The following DUSP4 variants were observed in gnomAD, a reference collection of about 807,000 sequenced individuals.
DUSP4 encodes the protein dual specificity protein phosphatase 4.
DUSP4 carries 12 observed loss-of-function variants against 27.2 expected under a neutral mutation model. The observed-to-expected ratio is 0.44, with a 90% CI of 0.28 to 0.71. The LOEUF (loss-of-function observed/expected upper bound fraction) is 0.71. Among genes scored for constraint, DUSP4 ranks in the 30% least tolerant of loss-of-function variants. DUSP4 has a pLI of 0.14. For missense variants in DUSP4, 448 were observed against 551.3 expected, an observed-to-expected ratio of 0.81 and a Z score of 1.88; for synonymous variants, 257 against 245.2, an observed-to-expected ratio of 1.05 and a Z score of -0.45.
intron 1 of DUSP4, chr8:29,345,633 A>C: frequency 6.7e-7 from 1 of 1,492,578 alleles, no homozygotes; most frequent in Non-Finnish European, 8.9e-7. Context: ...GGCTCGGGAA[A>C]GTGGCCACCC....
chr8:29,350,349 AG>A lies in DUSP4; in HGVS notation c.-72del. 6.7e-7 allele frequency: 1 copy of A among 1,491,190 alleles called. No individual in the cohort carries two copies. Among genetic ancestry groups the A allele is most frequent in the Non-Finnish European group, 8.9e-7 (1 of 1,125,594 alleles). 92.4% of individuals were successfully genotyped at this position (1,491,190 alleles called of 1,614,324 possible). On this transcript the variant is annotated 5_prime_UTR_variant, in exon 1 of 4. Transcript: ENST00000240100. ...AACCCGGGCCGCCTAGGCTGCAGAA[AG>A]GGGCGGGCGAGAGCTAAGAAGGGAC...
Position 29,345,246 on chromosome 8 carries a change from G to GA in DUSP4, c.433+4599dup, listed in dbSNP as rs1364238609. ...TGCCAGAAAAGTCATGCTCTTGCAA[G>GA]AAAGTCTGGGGTTGTTTGAAGGCCA... On this transcript the variant is annotated intron_variant, in intron 1 of 3. Transcript: ENST00000240100. 19 of 1,175,368 alleles carry GA rather than the reference G, an allele frequency of 1.6e-5. No homozygotes were observed. The East Asian group carries it at 4.9e-4, about 30-fold the overall frequency. The allele number at this position is 1,175,368 out of a possible 1,614,324, so 72.8% of individuals were successfully genotyped here.
At position 29,340,088 on chromosome 8, in the gene DUSP4, C is replaced by G; in HGVS notation, c.579+10G>C. 3 of 1,558,004 alleles carry G rather than the reference C, an allele frequency of 1.9e-6. No individual in the cohort carries two copies. The highest frequency in any genetic ancestry group is 2.6e-6 in the Non-Finnish European group (3 of 1,150,886). ...GCCCCCCACTTCCAAGCCCTGCCCC[C>G]CGAGTCTACCTGGTCGTGTAGTGGG... is the stretch of plus-strand genomic sequence containing the variant. On this transcript the variant is annotated intron_variant, in intron 2 of 3. Transcript: ENST00000240100.
chr8:29,335,135 A>G lies in DUSP4; in HGVS notation c.*1891T>C, dbSNP rs2117262447. On this transcript the variant is annotated 3_prime_UTR_variant, in exon 4 of 4. Transcript: ENST00000240100. The stretch of plus-strand genomic sequence containing the variant: ...TCTAGACAAGTTTGCAACAACCTCT[A>G]AGCTGGCACTCCATAACAAGACTGT... The G allele has an allele frequency of 6.6e-6, 1 of 152,296 alleles. No individual in the cohort carries two copies. The highest frequency in any genetic ancestry group is 2.4e-5 in the African/African-American group (1 of 41,554). The allele number at this position is 152,296 out of a possible 1,614,324, so 9.4% of individuals were successfully genotyped here. A position where few individuals can be genotyped will look rare whatever the true frequency, so the allele number is the denominator to read the frequency against.
rs202225558 is a variant in DUSP4 at position 29,340,087 on chromosome 8, C to G, written c.579+11G>C. 2 of 1,557,256 alleles carry G rather than the reference C, an allele frequency of 1.3e-6. No homozygotes were observed. Among genetic ancestry groups the G allele is most frequent in the South Asian group, 1.2e-5 (1 of 84,594 alleles). The stretch of plus-strand genomic sequence containing the variant: ...TGCCCCCCACTTCCAAGCCCTGCCC[C>G]CCGAGTCTACCTGGTCGTGTAGTGG... On this transcript the variant is annotated intron_variant, in intron 2 of 3. Transcript: ENST00000240100.
chr8:29,349,078 A>C lies in DUSP4; in HGVS notation c.433+768T>G, dbSNP rs995450820. ...CGAGAGTTTCGCCAGGGCTCGCTAAAATCCGGCACGCGCCGCCATCAGATA... is the reference window on the plus strand; with the variant it reads ...CGAGAGTTTCGCCAGGGCTCGCTAACATCCGGCACGCGCCGCCATCAGATA... On this transcript the variant is annotated intron_variant, in intron 1 of 3. Transcript: ENST00000240100. Among the ~76,000 whole-genome samples, 4 of 152,194 alleles carry C rather than the reference A, an allele frequency of 2.6e-5. 1 individual carries two copies. Among genetic ancestry groups the C allele is most frequent in the Admixed American group, 2.6e-4 (4 of 15,292 alleles).
intron 1 of DUSP4, among the ~76,000 whole-genome samples, chr8:29,346,764 C>T (rs1297211006): frequency 6.6e-6 from 1 of 152,198 alleles, no homozygotes; most frequent in Non-Finnish European, 1.5e-5. Context: ...GCGAAGTTTA[C>T]CTCCTGCCAC....
In DUSP4 at chr8:29,337,356, C is replaced by A; in HGVS notation, c.855G>T (p.Ser285=). 1.2e-6 allele frequency: 2 copies of A among 1,611,024 alleles called. No individual in the cohort carries two copies. Among genetic ancestry groups the A allele is most frequent in the East Asian group, 2.2e-5 (1 of 44,876 alleles). The change falls in exon 4 of 4, where the codon TCG becomes TCT. Residue 285 remains serine, a synonymous_variant. Coordinates refer to ENST00000240100, the MANE Select transcript of DUSP4 (RefSeq NM_001394.7). The surrounding 1 kb of genome is among the most constrained non-coding windows in gnomAD (Gnocchi z 6.4). ...RVLVHCQAGI[S]RSATICLAYL... ...AGGCCAGGCAGATGGTGGCCGACCG[C>A]GAGATGCCCGCCTGGCAGTGCACCA...
chr8:29,337,390 C>T lies in DUSP4; in HGVS notation c.821G>A (p.Gly274Glu). 1 of 1,606,964 alleles carries T rather than the reference C, an allele frequency of 6.2e-7. No individual in the cohort carries two copies. The highest frequency in any genetic ancestry group is 8.5e-7 in the Non-Finnish European group (1 of 1,178,934). The change falls in exon 4 of 4, where the codon GGG (glycine) becomes GAG (glutamate). Residue 274 changes from glycine to glutamate, a missense_variant. Physicochemically the swap from Gly to Glu is moderately conservative, Grantham distance 98. This residue lies in a region of DUSP4 where 345 missense variants were observed against 394.0 expected (regional missense o/e 0.88). Coordinates refer to ENST00000240100, the MANE Select transcript of DUSP4 (RefSeq NM_001394.7). This position sits in a 1 kb window ranked among gnomAD's most constrained non-coding sequence, Gnocchi z 6.4. ...EYIDAVKDCRGRVLVHCQAGI... is the reference protein window; with the variant it reads ...EYIDAVKDCRERVLVHCQAGI... Reference sequence around the variant, plus strand: ...CGCCTGGCAGTGCACCAGCACGCGCCCACGGCAGTCCTTCACGGCATCTGG... The same window carrying T: ...CGCCTGGCAGTGCACCAGCACGCGCTCACGGCAGTCCTTCACGGCATCTGG...
rs1312258013 is a variant in DUSP4 at position 29,350,131 on chromosome 8, A to C, written c.148T>G (p.Cys50Gly). The change falls in exon 1 of 4, where the codon TGC becomes GGC. Residue 50 changes from cysteine (C) to glycine (G), a missense_variant. Cys to Gly is a radical substitution (Grantham distance 159). Coordinates refer to ENST00000240100, the MANE Select transcript of DUSP4 (RefSeq NM_001394.7). ...PSGGKCLLLDCRPFLAHSAGY... is the reference protein window; with the variant it reads ...PSGGKCLLLDGRPFLAHSAGY... ...GCGCTGTGCGCCAGGAACGGTCTGCAGTCCAGCAGCAGGCACTTGCCGCCG... is the reference window on the plus strand; with the variant it reads ...GCGCTGTGCGCCAGGAACGGTCTGCCGTCCAGCAGCAGGCACTTGCCGCCG... The C allele has an allele frequency of 1.9e-6, 3 of 1,609,530 alleles. No individual in the cohort carries two copies. The South Asian group carries it at 3.3e-5, about 18-fold the overall frequency.
chr8:29,338,605 G>C, intron 2 of DUSP4, 104 bp from the exon 3 acceptor site: 1 of 1,314,750 alleles, frequency 7.6e-7, no homozygotes, highest in Non-Finnish European at 1.0e-6. Context: ...CCAAACCCAG[G>C]GAGAATGCCT....
chr8:29,339,979 G>A, intron 2 of DUSP4, 119 bp downstream of exon 2: 2 of 1,353,366 alleles, frequency 1.5e-6, no homozygotes, highest in Non-Finnish European at 9.9e-7. Context: ...CTGGGTGACA[G>A]AGCAAGACTG....
intron 1 of DUSP4, among the ~76,000 whole-genome samples, chr8:29,344,154 T>G (rs1817693247): frequency 6.6e-6 from 1 of 152,246 alleles, no homozygotes; most frequent in African/African-American, 2.4e-5. Flanking sequence ...TTTTTCCCAC[T>G]CTCAAAATGT....
chr8:29,339,838 C>CA (rs1461830916), intron 2 of DUSP4, among the ~76,000 whole-genome samples: 2 of 140,086 alleles, frequency 1.4e-5, no homozygotes, highest in African/African-American at 2.6e-5. Flanking sequence ...ACCCCCCCCC[C>CA]CCATCTCTAC....
chr8:29,339,464 A>T (rs1009810819), intron 2 of DUSP4, among the ~76,000 whole-genome samples: 7 of 152,176 alleles, frequency 4.6e-5, no homozygotes, highest in African/African-American at 1.7e-4. Context: ...GCTACTTCAG[A>T]GGAGAATGAC....
chr8:29,350,595 A>T lies in DUSP4; in HGVS notation c.-317T>A. The T allele has an allele frequency of 3.1e-6, 1 of 320,596 alleles. No homozygotes were observed. Among genetic ancestry groups the T allele is most frequent in the Admixed American group, 4.9e-5 (1 of 20,286 alleles). The allele number at this position is 320,596 out of a possible 1,614,324, so 19.9% of individuals were successfully genotyped here. A position where few individuals can be genotyped will look rare whatever the true frequency, so the allele number is the denominator to read the frequency against. Reference sequence around the variant, plus strand: ...TCTTTTCGGCGACGGCCTCCCGTGTATTTTTGCCGGTCGCGCGGCTCCTGT... The same window carrying T: ...TCTTTTCGGCGACGGCCTCCCGTGTTTTTTTGCCGGTCGCGCGGCTCCTGT... On this transcript the variant is annotated 5_prime_UTR_variant, in exon 1 of 4. Transcript: ENST00000240100.
At chr8:29,338,558 C>T in intron 2 of DUSP4, 57 bp from the exon 3 acceptor site, 4 of 1,552,704 alleles carry the variant, frequency 2.6e-6, no homozygotes, top group Non-Finnish European at 3.5e-6. Context: ...GTGCTTGGCA[C>T]AGGGAGTGGA....
rs748379754 is a variant in DUSP4 at position 29,334,438 on chromosome 8, T to C, written c.*2588A>G. On this transcript the variant is annotated 3_prime_UTR_variant, in exon 4 of 4. Coordinates refer to ENST00000240100, the MANE Select transcript of DUSP4 (RefSeq NM_001394.7). ...TTATTTCTAAAAGTTTTGGGACTCG[T>C]GCTGTTATCAAGTACAATGAAAATG... The C allele has an allele frequency of 1.3e-5, 2 of 152,228 alleles. No homozygotes were observed. Among genetic ancestry groups the C allele is most frequent in the Non-Finnish European group, 2.9e-5 (2 of 68,046 alleles). The allele number at this position is 152,228 out of a possible 1,614,324, so 9.4% of individuals were successfully genotyped here. A position where few individuals can be genotyped will look rare whatever the true frequency, so the allele number is the denominator to read the frequency against.
At chr8:29,338,152 G>A in intron 3 of DUSP4, 130 bp downstream of exon 3, 1 of 911,076 alleles carries the variant, frequency 1.1e-6, no homozygotes. Flanking sequence ...CCTTCCCAAT[G>A]AGGAAGAGGG....
Sources: allele counts gnomAD v4.1 joint callset (sites outside exome capture counted in the v4.1 genomes callset), GRCh38; gene constraint gnomAD v4.1.1; regional missense constraint gnomAD v4.1.1; non-coding constraint Gnocchi (gnomAD v3.1); transcripts MANE v1.5; gene names NCBI Gene and HGNC (gene_info 2026-07-23, HGNC 2026-07-21).